The following MTRR variants were observed in gnomAD, a reference collection of about 807,000 sequenced individuals.
MTRR encodes the protein 5-methyltetrahydrofolate-homocysteine methyltransferase reductase, also known as methionine synthase reductase.
Under a neutral mutation model 79.2 loss-of-function variants are expected in MTRR, and 63 were observed. That is an observed-to-expected ratio of 0.80 (90% CI 0.65 to 0.98). The LOEUF is 0.98. Among genes scored for constraint, MTRR ranks in the 50% least tolerant of loss-of-function variants. MTRR has a pLI of 0.00. For missense variants in MTRR, 895 were observed against 839.6 expected, an observed-to-expected ratio of 1.07 and a Z score of -0.82; for synonymous variants, 355 against 313.3, an observed-to-expected ratio of 1.13 and a Z score of -1.41.
intron 1 of MTRR, 49 bp from the exon 2 acceptor site, chr5:7,870,721 G>T (rs1318934552): frequency 1.3e-6 from 2 of 1,585,312 alleles, no homozygotes; most frequent in East Asian, 4.5e-5. Context: ...ATATCTTTAG[G>T]TTGTTACTGC....
At chr5:7,881,636 C>G (rs1327334616) in intron 5 of MTRR, among the ~76,000 whole-genome samples, 2 of 152,180 alleles carry the variant, frequency 1.3e-5, no homozygotes, top group Non-Finnish European at 2.9e-5. Context: ...TCTGCCTTCA[C>G]TGTCATGGGC....
At position 7,892,879 on chromosome 5, in the gene MTRR, C is replaced by T; in HGVS notation, c.1523C>T (p.Ser508Phe). ...GTTCTTCAGCCAAACATACATGCAT[C>T]CCATGAAGACAGCGGGAAAGCCCTG... is the stretch of plus-strand genomic sequence containing the variant. ...ASVLQPNIHA[S>F]HEDSGKALAP... The change falls in exon 11 of 15, where the codon TCC becomes TTC. Residue 508 changes from serine (S) to phenylalanine (F), a missense_variant. Transcript: ENST00000440940. The T allele has an allele frequency of 6.2e-7, 1 of 1,614,180 alleles. No individual in the cohort carries two copies. The highest frequency in any genetic ancestry group is 8.5e-7 in the Non-Finnish European group (1 of 1,180,030).
Position 7,873,495 on chromosome 5 carries a change from TTTC to T in MTRR, c.255_257del (p.Phe86del), listed in dbSNP as rs1213813931. Reference sequence around the variant, plus strand: ...TACAGAACCAAACACTGCCGGTTGATTTCTTTGCTCACCTGCGGTATGGGTTAC... The same window carrying T: ...TACAGAACCAAACACTGCCGGTTGATTTTGCTCACCTGCGGTATGGGTTAC... On this transcript the variant is annotated inframe_deletion, in exon 3 of 15. Coordinates refer to ENST00000440940, the MANE Select transcript of MTRR (RefSeq NM_002454.3). The T allele has an allele frequency of 6.2e-7, 1 of 1,614,032 alleles. No individual in the cohort carries two copies. The highest frequency in any genetic ancestry group is 1.3e-5 in the African/African-American group (1 of 74,908).
chr5:7,883,894 G>A (rs1386501992), intron 6 of MTRR, among the ~76,000 whole-genome samples: 1 of 152,200 alleles, frequency 6.6e-6, no homozygotes, highest in Admixed American at 6.5e-5. Context: ...TAGAGCCTAA[G>A]GTCAAACGAG....
chr5:7,851,031 G>T, upstream of MTRR: 1 of 1,244,920 alleles, frequency 8.0e-7, no homozygotes, highest in Non-Finnish European at 1.0e-6. Context: ...TGCCGCCACC[G>T]TCCAGCGCCC....
At chr5:7,875,159 A>G (rs1436998591) in intron 3 of MTRR, 99 bp from the exon 4 acceptor site, 3 of 852,442 alleles carry the variant, frequency 3.5e-6, no homozygotes, top group Admixed American at 1.7e-5. Context: ...CATCCATAAG[A>G]GCATGAAATA....
intron 9 of MTRR, among the ~76,000 whole-genome samples, chr5:7,891,127 G>A (rs1246864510): frequency 6.6e-6 from 1 of 151,948 alleles, no homozygotes; most frequent in Non-Finnish European, 1.5e-5. Flanking sequence ...TTCGCCTTTG[G>A]GTAGAAATAC....
intron 1 of MTRR, chr5:7,861,349 G>A: frequency 1.3e-6 from 1 of 757,774 alleles, no homozygotes; most frequent in Non-Finnish European, 2.0e-6. Context: ...AAGTTTATTT[G>A]GGATTTGGCT....
intron 11 of MTRR, among the ~76,000 whole-genome samples, chr5:7,895,302 C>T (rs1403079029): frequency 6.6e-6 from 1 of 152,190 alleles, no homozygotes. Flanking sequence ...AGCAGCCCCT[C>T]AATTTCTTTT....
upstream of MTRR, chr5:7,868,200 GAAAAAA>G (rs34274545): frequency 0.034 from 7,627 of 222,872 alleles, 5 homozygotes; most frequent in East Asian, 0.088. Context: ...CGAGTATCTG[GAAAAAA>G]AAAAAAAAAA....
chr5:7,899,812 G>T, intron 14 of MTRR, 102 bp from the exon 15 acceptor site: 2 of 1,433,744 alleles, frequency 1.4e-6, no homozygotes, highest in Non-Finnish European at 2.0e-6. Context: ...ACGGAGGGAA[G>T]AACTATGGTG....
intron 2 of MTRR, chr5:7,863,039 T>C (rs754347634): frequency 6.5e-7 from 1 of 1,535,328 alleles, no homozygotes; most frequent in Non-Finnish European, 9.0e-7. Context: ...AAAAATAAGA[T>C]ATAACAACAG....
At position 7,869,344 on chromosome 5, in the gene MTRR, C is replaced by G. The variant is rs910714381; in HGVS notation, c.-26+129C>G. On this transcript the variant is annotated intron_variant, in intron 1 of 14. Coordinates refer to ENST00000440940, the MANE Select transcript of MTRR (RefSeq NM_002454.3). Reference sequence around the variant, plus strand: ...CGTGGTTCCCACGCCCTTCGGCCTCCGGGGGTCGCCGCGGGCGCGGGCTGG... The same window carrying G: ...CGTGGTTCCCACGCCCTTCGGCCTCGGGGGGTCGCCGCGGGCGCGGGCTGG... 591 of 802,794 alleles carry G rather than the reference C, an allele frequency of 7.4e-4. 10 individuals carry two copies. The highest frequency in any genetic ancestry group is 2.1e-3 in the Admixed American group (78 of 36,546). The allele number at this position is 802,794 out of a possible 1,614,324, so 49.7% of individuals were successfully genotyped here. A position where few individuals can be genotyped will look rare whatever the true frequency, so the allele number is the denominator to read the frequency against.
At chr5:7,891,056 T>C (rs1411163157) in intron 9 of MTRR, among the ~76,000 whole-genome samples, 7 of 152,020 alleles carry the variant, frequency 4.6e-5, no homozygotes, top group Admixed American at 2.6e-4. Flanking sequence ...AAGGGTTTGC[T>C]GAGCTCCTCA....
At chr5:7,856,184 C>T (rs184400748) in intron 1 of MTRR, among the ~76,000 whole-genome samples, 176 of 152,310 alleles carry the variant, frequency 1.2e-3, no homozygotes, top group East Asian at 3.5e-3. Flanking sequence ...AAAATTCCCA[C>T]GTCTAGAGCT....
At chr5:7,869,241 C>G in intron 1 of MTRR, 26 bp downstream of exon 1, 1 of 1,601,862 alleles carries the variant, frequency 6.2e-7, no homozygotes, top group South Asian at 1.1e-5. Flanking sequence ...GCTACGGTTC[C>G]CGGATTCCGG....
chr5:7,875,672 G>T (rs1026438661), intron 4 of MTRR, among the ~76,000 whole-genome samples: 1 of 152,178 alleles, frequency 6.6e-6, no homozygotes, highest in Admixed American at 6.5e-5. Flanking sequence ...AAATCAGCTT[G>T]TTCTTTAGGA....
chr5:7,896,654 G>T, intron 12 of MTRR: 1 of 606,608 alleles, frequency 1.6e-6, no homozygotes, highest in East Asian at 2.8e-5. Flanking sequence ...GGATGTAGCT[G>T]CCTCTCCACA....
At chr5:7,854,079 A>G (rs1746154260) in intron 1 of MTRR, among the ~76,000 whole-genome samples, 1 of 152,104 alleles carries the variant, frequency 6.6e-6, no homozygotes, top group Non-Finnish European at 1.5e-5. Flanking sequence ...TTAAAAAAGT[A>G]TTTTCCTATA....
Sources: allele counts gnomAD v4.1 joint callset (sites outside exome capture counted in the v4.1 genomes callset), GRCh38; gene constraint gnomAD v4.1.1; transcripts MANE v1.5; gene names NCBI Gene and HGNC (gene_info 2026-07-23, HGNC 2026-07-21).